PCDHA3: variants seen among roughly 807,000 people sequenced by gnomAD.
PCDHA3 encodes the protein protocadherin alpha-3.
A neutral mutation model predicts 62.2 loss-of-function variants in PCDHA3; 41 were observed. The observed-to-expected ratio is 0.66, with a 90% CI of 0.51 to 0.86. The LOEUF (loss-of-function observed/expected upper bound fraction) is 0.86. Among genes scored for constraint, PCDHA3 ranks in the 40% least tolerant of loss-of-function variants. PCDHA3 has a pLI of 0.00. For missense variants in PCDHA3, 1,304 were observed against 1,241.2 expected, an observed-to-expected ratio of 1.05 and a Z score of -0.76; for synonymous variants, 640 against 555.4, an observed-to-expected ratio of 1.15 and a Z score of -2.14.
chr5:140,829,791 C>T (rs782412294), intron 1 of PCDHA3: 2 of 1,613,788 alleles, frequency 1.2e-6, no homozygotes, highest in South Asian at 2.2e-5. Context: ...GCGCTGCTGG[C>T]GCCTCGGGTG....
At chr5:140,836,229 G>A in intron 1 of PCDHA3, 1 of 1,613,818 alleles carries the variant, frequency 6.2e-7, no homozygotes. Context: ...ACCGGTGGCG[G>A]CCGGTGCGAG....
intron 1 of PCDHA3, chr5:140,812,106 G>C (rs1210972829): frequency 6.7e-6 from 1 of 150,088 alleles, no homozygotes; most frequent in Non-Finnish European, 1.5e-5. Flanking sequence ...TTCTTTAAAA[G>C]TTTGGTAGAA....
intron 3 of PCDHA3, among the ~76,000 whole-genome samples, chr5:141,000,501 C>G (rs1252221313): frequency 2.1e-5 from 3 of 139,584 alleles, no homozygotes; most frequent in Admixed American, 7.5e-5. Flanking sequence ...GATCTCGGCT[C>G]ACTGCAACCT....
chr5:140,971,509 A>C (rs1369392741), intron 1 of PCDHA3, among the ~76,000 whole-genome samples: 4 of 152,112 alleles, frequency 2.6e-5, no homozygotes, highest in Admixed American at 2.0e-4. Flanking sequence ...ATAGGAGCAA[A>C]AGCCACTCAG....
At position 140,855,941 on chromosome 5, in the gene PCDHA3, C is replaced by G; in HGVS notation, c.2394+52350C>G. Reference sequence around the variant, plus strand: ...AGGAAGTAGCGTCATTCTGAGATCTCAGCCATTTCGATAAAAAATAGATAT... The same window carrying G: ...AGGAAGTAGCGTCATTCTGAGATCTGAGCCATTTCGATAAAAAATAGATAT... On this transcript the variant is annotated intron_variant, in intron 1 of 3. Transcript: ENST00000522353. The G allele has an allele frequency of 3.0e-6, 4 of 1,328,222 alleles. 1 individual carries two copies. The highest frequency in any genetic ancestry group is 4.1e-6 in the Non-Finnish European group (4 of 966,976). The allele number at this position is 1,328,222 out of a possible 1,614,324, so 82.3% of individuals were successfully genotyped here.
chr5:140,916,202 C>A lies in PCDHA3; in HGVS notation c.2395-62747C>A, dbSNP rs185433174. 8.0e-3 allele frequency among the ~76,000 whole-genome samples: 1,218 copies of A among 152,262 alleles called. 6 individuals carry two copies. Among genetic ancestry groups the A allele is most frequent in the African/African-American group, 0.019 (787 of 41,550 alleles). The stretch of plus-strand genomic sequence containing the variant: ...TTCAAGGAAGTGGGCACCCCTCTGC[C>A]CTGGGGAAGATCCAAATATGCTTTC... On this transcript the variant is annotated intron_variant, in intron 1 of 3. Coordinates refer to ENST00000522353, the MANE Select transcript of PCDHA3 (RefSeq NM_018906.3).
intron 1 of PCDHA3, among the ~76,000 whole-genome samples, chr5:140,874,551 T>C (rs1418780563): frequency 6.6e-6 from 1 of 152,222 alleles, no homozygotes; most frequent in African/African-American, 2.4e-5. Flanking sequence ...CTTTAAGAGA[T>C]CTTTCGCATT....
intron 1 of PCDHA3, chr5:140,871,599 T>G: frequency 1.4e-6 from 2 of 1,447,906 alleles, no homozygotes; most frequent in Non-Finnish European, 1.8e-6. Flanking sequence ...GAATAACCAG[T>G]GTTTTGAATA....
chr5:140,834,749 G>T (rs782597539), intron 1 of PCDHA3: 2 of 1,613,980 alleles, frequency 1.2e-6, no homozygotes, highest in African/African-American at 1.3e-5. Context: ...TGGACGTGGA[G>T]GTGAAGGACA....
chr5:140,834,830 C>T (rs1554134546), intron 1 of PCDHA3: 1 of 1,612,028 alleles, frequency 6.2e-7, no homozygotes, highest in East Asian at 2.2e-5. Context: ...GGCCGCTTGA[C>T]TCTCGGTTTC....
At chr5:140,869,180 T>TG in intron 1 of PCDHA3, 1 of 1,613,322 alleles carries the variant, frequency 6.2e-7, no homozygotes. Context: ...TTCTGGGAGG[T>TG]GGGGAGCGGC....
intron 1 of PCDHA3, chr5:140,837,034 CA>C (rs1275665516): frequency 5.8e-5 from 13 of 223,608 alleles, no homozygotes; most frequent in South Asian, 2.6e-4. Context: ...AGTGTATTTA[CA>C]AAATCAAATA....
chr5:140,954,383 T>C (rs1333017700), intron 1 of PCDHA3, among the ~76,000 whole-genome samples: 6 of 152,208 alleles, frequency 3.9e-5, no homozygotes, highest in African/African-American at 1.4e-4. Context: ...ATGAGTGAAC[T>C]AATTTACAAC....
chr5:140,895,995 G>A (rs2065293379), intron 1 of PCDHA3, among the ~76,000 whole-genome samples: 1 of 152,058 alleles, frequency 6.6e-6, no homozygotes, highest in Non-Finnish European at 1.5e-5. Flanking sequence ...ATTTTAAGTA[G>A]AGACAGGGTT....
intron 1 of PCDHA3, chr5:140,875,246 C>T: frequency 1.0e-6 from 1 of 955,372 alleles, no homozygotes; most frequent in Non-Finnish European, 1.5e-6. Context: ...CTTACATAAT[C>T]AGTCACATGA....
intron 1 of PCDHA3, among the ~76,000 whole-genome samples, chr5:140,935,180 T>C (rs781934014): frequency 3.9e-5 from 6 of 152,214 alleles, no homozygotes; most frequent in Non-Finnish European, 7.3e-5. Flanking sequence ...TTATTGCTGC[T>C]GGGTCAGTTG....
At chr5:141,007,573 T>G (rs2153992759) in intron 3 of PCDHA3, among the ~76,000 whole-genome samples, 1 of 151,796 alleles carries the variant, frequency 6.6e-6, no homozygotes, top group African/African-American at 2.4e-5. Context: ...ATCTCAAATT[T>G]AAAAAATAAT....
chr5:140,941,211 CTTCCTTTCTTTCTTT>C (rs1563185551), intron 1 of PCDHA3, among the ~76,000 whole-genome samples: 1,583 of 129,706 alleles, frequency 0.012, 22 homozygotes, highest in African/African-American at 0.029. Flanking sequence ...TCCTTTCTTT[CTTCCTTTCTTTCTTT>C]CTTTCTTTCT....
intron 1 of PCDHA3, chr5:140,857,784 T>A (rs782611887): frequency 6.3e-7 from 1 of 1,597,680 alleles, no homozygotes; most frequent in South Asian, 1.1e-5. Flanking sequence ...GTCAGTGAGC[T>A]GGTGCTGCGG....
Sources: allele counts gnomAD v4.1 joint callset (sites outside exome capture counted in the v4.1 genomes callset), GRCh38; gene constraint gnomAD v4.1.1; transcripts MANE v1.5; gene names NCBI Gene and HGNC (gene_info 2026-07-23, HGNC 2026-07-21).